Variants in SLX4IP observed in about 807,000 individuals in gnomAD.
SLX4IP encodes the protein protein SLX4IP.
Under a neutral mutation model 32.9 loss-of-function variants are expected in SLX4IP, and 34 were observed. That is an observed-to-expected ratio of 1.03 (90% CI 0.79 to 1.38). SLX4IP has a LOEUF of 1.38. Ranked by LOEUF, SLX4IP falls within the 40% of genes most tolerant of loss-of-function variation. The pLI is 0.00. For synonymous variants in SLX4IP, 172 were observed against 171.7 expected (o/e 1.00, Z -0.01); for missense variants, 444 against 479.0 (o/e 0.93, Z 0.68).
intron 2 of SLX4IP, among the ~76,000 whole-genome samples, chr20:10,554,804 TAGG>T (rs1435930602): frequency 1.3e-5 from 2 of 152,186 alleles, no homozygotes; most frequent in Non-Finnish European, 1.5e-5. Context: ...TATCAGTTTG[TAGG>T]AGTTCTTTAC....
intron 4 of SLX4IP, among the ~76,000 whole-genome samples, chr20:10,572,468 G>A (rs371778954): frequency 6.6e-6 from 1 of 152,116 alleles, no homozygotes; most frequent in East Asian, 1.9e-4. Flanking sequence ...GAGATGGAAA[G>A]GGAGAAATAG....
At chr20:10,524,848 T>G (rs532030863) in intron 2 of SLX4IP, among the ~76,000 whole-genome samples, 2 of 152,202 alleles carry the variant, frequency 1.3e-5, no homozygotes, top group African/African-American at 2.4e-5. Context: ...TCTGATCTCC[T>G]GCTCAGTCAT....
chr20:10,452,676 A>ATATATATATAT lies in SLX4IP; in HGVS notation c.-29-5500_-29-5499insTATATATATAT, dbSNP rs764822188. Among the ~76,000 whole-genome samples the ATATATATATAT allele has an allele frequency of 1.0e-4, 10 of 97,968 alleles. No individual in the cohort carries two copies. In the South Asian group the frequency reaches 2.0e-3, roughly 20 times the overall value. The allele number at this position is 97,968 out of a possible 152,430, so 64.3% of individuals were successfully genotyped here. A position where few individuals can be genotyped will look rare whatever the true frequency, so the allele number is the denominator to read the frequency against. On this transcript the variant is annotated intron_variant, in intron 1 of 7. Transcript: ENST00000334534. ...AGCGAAACTGTCTCAAAAAAAAAAA[A>ATATATATATAT]AAAAATATATATATATATATGTAAA...
intron 2 of SLX4IP, among the ~76,000 whole-genome samples, chr20:10,537,556 G>A (rs887099024): frequency 4.6e-5 from 7 of 152,160 alleles, no homozygotes; most frequent in African/African-American, 1.7e-4. Context: ...TACCATACTC[G>A]TTTGGATTAT....
At chr20:10,505,140 C>T (rs983378046) in intron 2 of SLX4IP, among the ~76,000 whole-genome samples, 1 of 152,120 alleles carries the variant, frequency 6.6e-6, no homozygotes, top group African/African-American at 2.4e-5. Context: ...AAGTAGAAAG[C>T]TATTAAAAAT....
chr20:10,474,681 G>A (rs534350299), intron 2 of SLX4IP, among the ~76,000 whole-genome samples: 18 of 152,364 alleles, frequency 1.2e-4, no homozygotes, highest in African/African-American at 3.6e-4. Context: ...TCCGCCGGCC[G>A]CCTTGTTCAC....
At chr20:10,558,407 G>T (rs2066292716) in intron 3 of SLX4IP, among the ~76,000 whole-genome samples, 1 of 151,260 alleles carries the variant, frequency 6.6e-6, no homozygotes, top group Non-Finnish European at 1.5e-5. Flanking sequence ...TTGTGTGTGC[G>T]TAAGAAAGGA....
chr20:10,455,663 G>A (rs2065279069), intron 1 of SLX4IP, among the ~76,000 whole-genome samples: 2 of 151,694 alleles, frequency 1.3e-5, no homozygotes. Flanking sequence ...AGGCTAGAGT[G>A]CAGTGGCGCA....
intron 2 of SLX4IP, among the ~76,000 whole-genome samples, chr20:10,512,786 A>C (rs1289766439): frequency 2.8e-3 from 33 of 11,926 alleles, no homozygotes; most frequent in Non-Finnish European, 4.6e-3. Context: ...CTCTATATAT[A>C]TATATATATA....
At chr20:10,585,102 C>G (rs998941551) in intron 4 of SLX4IP, among the ~76,000 whole-genome samples, 2 of 152,130 alleles carry the variant, frequency 1.3e-5, no homozygotes, top group Non-Finnish European at 2.9e-5. Flanking sequence ...AATGTTTTCC[C>G]CTGAAGCTCC....
intron 2 of SLX4IP, among the ~76,000 whole-genome samples, chr20:10,488,302 G>C (rs952850382): frequency 1.3e-5 from 2 of 152,146 alleles, no homozygotes; most frequent in African/African-American, 4.8e-5. Flanking sequence ...AGCACACACA[G>C]AGGGAAGATG....
chr20:10,555,069 T>G (rs1036329497), intron 2 of SLX4IP, among the ~76,000 whole-genome samples: 1 of 152,270 alleles, frequency 6.6e-6, no homozygotes, highest in South Asian at 2.1e-4. Context: ...AGGTGTGTGA[T>G]CCATCTCAAA....
intron 1 of SLX4IP, among the ~76,000 whole-genome samples, chr20:10,445,932 G>GTTTTTTTTTTT (rs2065198680): frequency 7.9e-6 from 1 of 126,238 alleles, no homozygotes. Flanking sequence ...GGCTGAGATT[G>GTTTTTTTTTTT]CTTTTTTTTT....
At chr20:10,598,315 C>T (rs1000597984) in intron 4 of SLX4IP, among the ~76,000 whole-genome samples, 2 of 152,204 alleles carry the variant, frequency 1.3e-5, no homozygotes, top group South Asian at 2.1e-4. Flanking sequence ...GTCACTCAGG[C>T]TGGCGTGCAG....
intron 2 of SLX4IP, among the ~76,000 whole-genome samples, chr20:10,468,568 G>A (rs1379831386): frequency 6.6e-6 from 1 of 152,128 alleles, no homozygotes; most frequent in Non-Finnish European, 1.5e-5. Context: ...TGAAACTAAT[G>A]CATTTGCATT....
intron 1 of SLX4IP, 63 bp from the exon 2 acceptor site, chr20:10,458,113 G>C: frequency 9.6e-7 from 1 of 1,037,332 alleles, no homozygotes; most frequent in Non-Finnish European, 1.4e-6. Context: ...TCTTTTTCCT[G>C]TATAATATCC....
chr20:10,496,595 G>A (rs146711188), intron 2 of SLX4IP, among the ~76,000 whole-genome samples: 2,182 of 152,160 alleles, frequency 0.014, 26 homozygotes, highest in Non-Finnish European at 0.024. Flanking sequence ...CTTTATGGCT[G>A]CAGGCTGGCA....
intron 1 of SLX4IP, among the ~76,000 whole-genome samples, chr20:10,450,632 A>G (rs2065233547): frequency 6.6e-6 from 1 of 152,250 alleles, no homozygotes; most frequent in Non-Finnish European, 1.5e-5. Context: ...AAAAATTAGG[A>G]TCTCATCACA....
intron 1 of SLX4IP, among the ~76,000 whole-genome samples, chr20:10,438,043 A>G (rs936265136): frequency 9.9e-5 from 15 of 152,210 alleles, no homozygotes; most frequent in Admixed American, 9.8e-4. Context: ...AGCCATGTAA[A>G]TATTAATTAA....
Sources: allele counts gnomAD v4.1 joint callset (sites outside exome capture counted in the v4.1 genomes callset), GRCh38; gene constraint gnomAD v4.1.1; transcripts MANE v1.5; gene names NCBI Gene and HGNC (gene_info 2026-07-23, HGNC 2026-07-21).